LIN54: variants seen among roughly 807,000 people sequenced by gnomAD.
The protein encoded by LIN54 is protein lin-54 homolog.
A neutral mutation model predicts 78.7 loss-of-function variants in LIN54; 9 were observed. That is an observed-to-expected ratio of 0.11 (90% CI 0.07 to 0.20). LIN54 has a LOEUF of 0.20. LIN54 is among the 10% of genes least tolerant of loss of function. The pLI, the probability that LIN54 is intolerant of heterozygous loss-of-function variation, is 1.00. For missense variants in LIN54, 573 were observed against 889.9 expected (o/e 0.64, Z 4.53); for synonymous variants, 269 against 318.4 (o/e 0.84, Z 1.65).
chr4:82,973,228 A>G (rs1484565438), intron 3 of LIN54, among the ~76,000 whole-genome samples: 1 of 152,212 alleles, frequency 6.6e-6, no homozygotes, highest in Non-Finnish European at 1.5e-5. Flanking sequence ...GAAAATTTGG[A>G]CGACAGCAAA....
chr4:82,999,844 G>A (rs1343523624), intron 1 of LIN54, among the ~76,000 whole-genome samples: 2 of 150,972 alleles, frequency 1.3e-5, no homozygotes, highest in Admixed American at 1.3e-4. Context: ...ATTCCCAGGT[G>A]CCATTAAGAA....
chr4:82,998,632 G>A (rs577699711), intron 1 of LIN54, among the ~76,000 whole-genome samples: 85 of 151,712 alleles, frequency 5.6e-4, no homozygotes, highest in Admixed American at 1.2e-3. Context: ...AAGAAACAGA[G>A]AAAGAAAAAG....
At chr4:82,933,904 G>A (rs552429548) in intron 11 of LIN54, among the ~76,000 whole-genome samples, 2 of 152,206 alleles carry the variant, frequency 1.3e-5, no homozygotes, top group Admixed American at 1.3e-4. Flanking sequence ...TACATGAAAG[G>A]GTCGCTTTAC....
At chr4:82,995,898 C>A (rs1728179148) in intron 1 of LIN54, among the ~76,000 whole-genome samples, 1 of 151,746 alleles carries the variant, frequency 6.6e-6, no homozygotes, top group African/African-American at 2.4e-5. Context: ...GTAATCCCAG[C>A]ACTTTGGGAG....
intron 4 of LIN54, among the ~76,000 whole-genome samples, chr4:82,965,090 T>C (rs1160002490): frequency 3.9e-5 from 6 of 152,080 alleles, no homozygotes; most frequent in African/African-American, 9.7e-5. Context: ...CTGAGAGAAA[T>C]TGAAAAGGGC....
intron 3 of LIN54, among the ~76,000 whole-genome samples, chr4:82,971,265 C>T (rs893941620): frequency 3.3e-5 from 5 of 152,192 alleles, no homozygotes; most frequent in Non-Finnish European, 7.3e-5. Context: ...ACTTGCACTT[C>T]CTACCACTCC....
upstream of LIN54, chr4:83,010,845 C>T (rs1729813500): frequency 8.3e-7 from 1 of 1,201,460 alleles, no homozygotes; most frequent in Non-Finnish European, 1.0e-6. Context: ...TCCTCCTCCT[C>T]CCCTCCCCGC....
At position 82,992,495 on chromosome 4, in the gene LIN54, C is replaced by T. The variant is rs140023536; in HGVS notation, c.-32-7619G>A. Among the ~76,000 whole-genome samples the T allele has an allele frequency of 6.6e-3, 999 of 152,172 alleles. 8 individuals carry two copies. Among genetic ancestry groups the T allele is most frequent in the African/African-American group, 0.022 (923 of 41,506 alleles). ...TTTGAGACCAGTCGGGACAACATAT[C>T]AAGACCCCATCTCAACAAAATAAAG... On this transcript the variant is annotated intron_variant, in intron 1 of 12. Coordinates refer to ENST00000340417, the MANE Select transcript of LIN54 (RefSeq NM_194282.4).
Position 82,936,184 on chromosome 4 carries a change from A to G in LIN54, c.1708-66T>C, listed in dbSNP as rs1334902463. ...GTAGATGAAATTTAAACACTGCAAA[A>G]GGAATTGATAACGTTTCTTTGCAAG... is the stretch of plus-strand genomic sequence containing the variant. On this transcript the variant is annotated intron_variant, in intron 10 of 12. Coordinates refer to ENST00000340417, the MANE Select transcript of LIN54 (RefSeq NM_194282.4). 3 of 1,578,356 alleles carry G rather than the reference A, an allele frequency of 1.9e-6. No individual in the cohort carries two copies. In the African/African-American group the frequency reaches 4.1e-5, roughly 21 times the overall value.
At chr4:82,950,222 A>G (rs1281538023) in intron 4 of LIN54, among the ~76,000 whole-genome samples, 1 of 152,160 alleles carries the variant, frequency 6.6e-6, no homozygotes. Flanking sequence ...TAGTCCATGT[A>G]ATGTTATCAC....
In LIN54 at chr4:82,955,424, T is replaced by TAACATAAC. The variant is rs1338632940; in HGVS notation, c.952-8951_952-8950insGTTATGTT. The stretch of plus-strand genomic sequence containing the variant: ...CATAACATAACATAACATAACATAA[T>TAACATAAC]GAACAGACAAGCCATAGATTGAGAG... On this transcript the variant is annotated intron_variant, in intron 4 of 12. Coordinates refer to ENST00000340417, the MANE Select transcript of LIN54 (RefSeq NM_194282.4). Among the ~76,000 whole-genome samples, 260 of 80,056 alleles carry TAACATAAC rather than the reference T, an allele frequency of 3.2e-3. 1 individual carries two copies. Among genetic ancestry groups the TAACATAAC allele is most frequent in the Middle Eastern group, 0.02 (3 of 148 alleles). The allele number at this position is 80,056 out of a possible 152,430, so 52.5% of individuals were successfully genotyped here. A position where few individuals can be genotyped will look rare whatever the true frequency, so the allele number is the denominator to read the frequency against.
intron 1 of LIN54, among the ~76,000 whole-genome samples, chr4:82,988,765 G>A (rs1210939405): frequency 6.6e-6 from 1 of 152,154 alleles, no homozygotes; most frequent in East Asian, 1.9e-4. Context: ...CCTATGTGAA[G>A]TGATATCTCA....
intron 11 of LIN54, among the ~76,000 whole-genome samples, chr4:82,932,749 C>T (rs890165369): frequency 1.3e-5 from 2 of 151,834 alleles, no homozygotes; most frequent in Admixed American, 6.6e-5. Flanking sequence ...CGCTTGAACC[C>T]GGGAGGCGGA....
chr4:83,004,129 G>A (rs1729089922), intron 1 of LIN54, among the ~76,000 whole-genome samples: 1 of 152,062 alleles, frequency 6.6e-6, no homozygotes, highest in South Asian at 2.1e-4. Context: ...CGGGTGCGGT[G>A]GCTTATGCCT....
At chr4:82,947,235 A>ATATATATATAT in intron 4 of LIN54, among the ~76,000 whole-genome samples, 25 of 44,284 alleles carry the variant, frequency 5.6e-4, no homozygotes, top group East Asian at 3.0e-3. Context: ...ATATATATAT[A>ATATATATATAT]TTTTTTTTTT....
chr4:82,947,223 A>ATTTTTTT (rs1339545376), intron 4 of LIN54, among the ~76,000 whole-genome samples: 6 of 17,512 alleles, frequency 3.4e-4, no homozygotes, highest in African/African-American at 1.1e-3. Flanking sequence ...ATATATATAT[A>ATTTTTTT]TATATATATA....
intron 1 of LIN54, among the ~76,000 whole-genome samples, chr4:82,999,977 C>T (rs1316656267): frequency 3.3e-5 from 5 of 152,034 alleles, no homozygotes; most frequent in Admixed American, 2.6e-4. Flanking sequence ...ACTGCAGCCT[C>T]GACCTCCTGG....
chr4:82,932,449 ATACC>A (rs1722041022), intron 11 of LIN54, among the ~76,000 whole-genome samples: 1 of 151,692 alleles, frequency 6.6e-6, no homozygotes, highest in South Asian at 2.1e-4. Flanking sequence ...AAAGGCTGTA[ATACC>A]TCACATCTCA....
Position 83,001,939 on chromosome 4 carries a change from G to GA in LIN54, c.-33+8544dup, listed in dbSNP as rs1380362368. On this transcript the variant is annotated intron_variant, in intron 1 of 12. Transcript: ENST00000340417. Reference sequence around the variant, plus strand: ...GGAGGGAGGGAGGGAGGGAAGGAAGGAAGGAAGGAAGGAAGGAAGGAAGGA... The same window carrying GA: ...GGAGGGAGGGAGGGAGGGAAGGAAGGAAAGGAAGGAAGGAAGGAAGGAAGGA... Among the ~76,000 whole-genome samples, 55 of 7,460 alleles carry GA rather than the reference G, an allele frequency of 7.4e-3. 12 individuals carry two copies. Among genetic ancestry groups the GA allele is most frequent in the Non-Finnish European group, 0.024 (31 of 1,282 alleles). 4.9% of individuals were successfully genotyped at this position (7,460 alleles called of 152,430 possible). A position where few individuals can be genotyped will look rare whatever the true frequency, so the allele number is the denominator to read the frequency against.
Sources: gnomAD v4.1 joint callset for allele counts (sites outside exome capture counted in the v4.1 genomes callset) on GRCh38, gnomAD v4.1.1 for gene constraint, MANE v1.5 for transcripts, NCBI Gene and HGNC (gene_info 2026-07-23, HGNC 2026-07-21) for gene names.